The following SUGCT variants were observed in gnomAD, a reference collection of about 807,000 sequenced individuals.
The protein encoded by SUGCT is succinyl-CoA:glutarate-CoA transferase.
SUGCT carries 41 observed loss-of-function variants against 55.0 expected under a neutral mutation model. The observed-to-expected ratio is 0.74, with a 90% CI of 0.58 to 0.97. The LOEUF (loss-of-function observed/expected upper bound fraction) is 0.97, where lower values mean the gene tolerates loss of function less well. Among genes scored for constraint, SUGCT ranks in the 50% least tolerant of loss-of-function variants. The pLI is 0.00. For synonymous variants in SUGCT, 187 were observed against 200.4 expected (o/e 0.93, Z 0.56); for missense variants, 568 against 547.8 (o/e 1.04, Z -0.37).
chr7:40,415,074 A>ATCTGTCTG (rs1489734389), intron 9 of SUGCT, among the ~76,000 whole-genome samples: 10 of 136,880 alleles, frequency 7.3e-5, no homozygotes, highest in Non-Finnish European at 9.3e-5. Context: ...CTATCTATCT[A>ATCTGTCTG]TCTATCTATC....
At chr7:40,993,203 A>G in the SUGCT span, among the ~76,000 whole-genome samples, 1 of 152,288 alleles carries the variant, frequency 6.6e-6, no homozygotes, top group Non-Finnish European at 1.5e-5. Context: ...AAATGAGGGC[A>G]GACCTCATCA....
chr7:40,272,040 C>A, intron 7 of SUGCT, among the ~76,000 whole-genome samples: 1 of 145,854 alleles, frequency 6.9e-6, no homozygotes, highest in Non-Finnish European at 1.5e-5. Context: ...TTTTTTATGG[C>A]TGAATAATAT....
chr7:40,865,451 G>A (rs1292652137), downstream of SUGCT, among the ~76,000 whole-genome samples: 1 of 152,130 alleles, frequency 6.6e-6, no homozygotes, highest in African/African-American at 2.4e-5. Flanking sequence ...TACTCCAAAT[G>A]CTACTCTGGG....
chr7:40,821,346 C>T (rs556773376), intron 13 of SUGCT, among the ~76,000 whole-genome samples: 29 of 152,288 alleles, frequency 1.9e-4, no homozygotes, highest in Admixed American at 1.7e-3. Flanking sequence ...ATGGTACCAG[C>T]TCCTCCTCGT....
chr7:40,974,604 A>G, the SUGCT span, among the ~76,000 whole-genome samples: 2 of 152,206 alleles, frequency 1.3e-5, no homozygotes, highest in East Asian at 1.9e-4. Flanking sequence ...ATATTTTGTT[A>G]TGGCAGCCTG....
At chr7:40,737,942 A>AT (rs1383668730) in intron 12 of SUGCT, among the ~76,000 whole-genome samples, 1 of 151,732 alleles carries the variant, frequency 6.6e-6, no homozygotes, top group Admixed American at 6.6e-5. Context: ...ACAAAAAAAA[A>AT]GGCCGGGCGC....
At chr7:40,793,408 A>G (rs1296594225) in intron 13 of SUGCT, among the ~76,000 whole-genome samples, 1 of 152,178 alleles carries the variant, frequency 6.6e-6, no homozygotes. Flanking sequence ...ATAGGATATT[A>G]TACAAGACTA....
intron 13 of SUGCT, among the ~76,000 whole-genome samples, chr7:40,784,764 G>A (rs1265584283): frequency 6.6e-6 from 1 of 152,186 alleles, no homozygotes; most frequent in East Asian, 1.9e-4. Flanking sequence ...ACTGAAAAAA[G>A]AGTTAGAATC....
chr7:40,189,850 C>G (rs1468630894), intron 5 of SUGCT, among the ~76,000 whole-genome samples: 1 of 152,106 alleles, frequency 6.6e-6, no homozygotes, highest in Non-Finnish European at 1.5e-5. Context: ...TGGGCTTGGG[C>G]ACTTTGCTCA....
rs193219849 is a variant in SUGCT, at chr7:40,236,926, T to G, written c.485-709T>G. On this transcript the variant is annotated intron_variant, in intron 6 of 13. Coordinates refer to ENST00000335693, the MANE Select transcript of SUGCT (RefSeq NM_001193313.2). Reference sequence around the variant, plus strand: ...TCAGCTCAATGCAACCTCCACCTCCTGGTTCAAGTGATTCTTGTGCCTCAG... The same window carrying G: ...TCAGCTCAATGCAACCTCCACCTCCGGGTTCAAGTGATTCTTGTGCCTCAG... Among the ~76,000 whole-genome samples, 36 of 152,146 alleles carry G rather than the reference T, an allele frequency of 2.4e-4. No individual in the cohort carries two copies. The East Asian group carries it at 4.5e-3, about 19-fold the overall frequency.
intron 6 of SUGCT, among the ~76,000 whole-genome samples, chr7:40,233,182 T>G (rs973507864): frequency 6.6e-5 from 10 of 152,022 alleles, no homozygotes; most frequent in African/African-American, 2.4e-4. Context: ...TGTGGAATAA[T>G]TTTTGACTCC....
chr7:40,681,102 A>C (rs1351863993), intron 12 of SUGCT, among the ~76,000 whole-genome samples: 1 of 152,122 alleles, frequency 6.6e-6, no homozygotes, highest in Non-Finnish European at 1.5e-5. Context: ...TCTTTCTCTA[A>C]AGAAAACCCT....
intron 5 of SUGCT, among the ~76,000 whole-genome samples, chr7:40,193,262 G>T (rs1425932355): frequency 6.9e-6 from 1 of 145,012 alleles, no homozygotes; most frequent in African/African-American, 2.6e-5. Context: ...TGAGCTATTT[G>T]GCCTGGCCAA....
intron 11 of SUGCT, among the ~76,000 whole-genome samples, chr7:40,477,031 A>G (rs1790731477): frequency 6.6e-6 from 1 of 152,166 alleles, no homozygotes; most frequent in South Asian, 2.1e-4. Context: ...TTTGCAAATG[A>G]GAGCACTCAT....
At chr7:40,410,059 C>T (rs145781705) in intron 9 of SUGCT, among the ~76,000 whole-genome samples, 337 of 152,066 alleles carry the variant, frequency 2.2e-3, no homozygotes, top group Non-Finnish European at 3.6e-3. Context: ...TTGTGTAGCA[C>T]GAGCGTATAT....
At chr7:40,540,203 A>G (rs1190397408) in intron 12 of SUGCT, among the ~76,000 whole-genome samples, 2 of 152,198 alleles carry the variant, frequency 1.3e-5, no homozygotes, top group Non-Finnish European at 2.9e-5. Flanking sequence ...CCTTTTATTT[A>G]TTGCTGTAAT....
intron 8 of SUGCT, among the ~76,000 whole-genome samples, chr7:40,291,398 T>C (rs9800959): frequency 0.99 from 148,875 of 149,710 alleles, 74,024 homozygotes; most frequent in East Asian, 1. Flanking sequence ...AGCAAACTAT[T>C]GCAAGGACAA....
At chr7:40,373,132 G>A (rs34487990) in intron 9 of SUGCT, among the ~76,000 whole-genome samples, 36,219 of 151,632 alleles carry the variant, frequency 0.24, 5,632 homozygotes, top group Non-Finnish European at 0.36. Flanking sequence ...TAACACTATC[G>A]TACTACAAAT....
At position 40,155,909 on chromosome 7, in the gene SUGCT, G is replaced by T. The variant is rs199833416; in HGVS notation, c.100+20789G>T. 2.9e-4 allele frequency among the ~76,000 whole-genome samples: 43 copies of T among 149,210 alleles called. No homozygotes were observed. The East Asian group carries it at 3.6e-3, about 13-fold the overall frequency. On this transcript the variant is annotated intron_variant, in intron 1 of 13. Coordinates refer to ENST00000335693, the MANE Select transcript of SUGCT (RefSeq NM_001193313.2). ...GTCTCCCTCTGTAGCCCAGGCTAGA[G>T]TGCAGCGGCACAATCCTGGCTCACT...
Sources: allele counts gnomAD v4.1 joint callset (sites outside exome capture counted in the v4.1 genomes callset), GRCh38; gene constraint gnomAD v4.1.1; transcripts MANE v1.5; gene names NCBI Gene and HGNC (gene_info 2026-07-23, HGNC 2026-07-21).